The following ATP2B2 variants were observed in gnomAD, a reference collection of about 807,000 sequenced individuals.
ATP2B2 encodes the protein plasma membrane calcium-transporting ATPase 2.
A neutral mutation model predicts 120.0 loss-of-function variants in ATP2B2; 15 were observed. That is an observed-to-expected ratio of 0.12 (90% CI 0.08 to 0.19). ATP2B2 has a LOEUF of 0.19. Among genes scored for constraint, ATP2B2 ranks in the 10% least tolerant of loss-of-function variants. The pLI, the probability that ATP2B2 is intolerant of heterozygous loss-of-function variation, is 1.00. For missense variants in ATP2B2, 1,045 were observed against 1,719.8 expected, an observed-to-expected ratio of 0.61 and a Z score of 6.94; for synonymous variants, 694 against 700.3, an observed-to-expected ratio of 0.99 and a Z score of 0.14.
chr3:10,329,247 G>C lies in ATP2B2; in HGVS notation c.3421-122C>G. On this transcript the variant is annotated intron_variant, in intron 22 of 22. Coordinates refer to ENST00000360273, the MANE Select transcript of ATP2B2 (RefSeq NM_001001331.4). The surrounding 1 kb of genome is among the most constrained non-coding windows in gnomAD (Gnocchi z 5.9). ...AAGCAGGTGGCTGGAATCCATAGTC[G>C]CTGGGTGTTATTAGCATTGACAGGA... The C allele has an allele frequency of 2.0e-6, 2 of 979,234 alleles. No individual in the cohort carries two copies. Among genetic ancestry groups the C allele is most frequent in the Non-Finnish European group, 3.2e-6 (2 of 623,638 alleles). The allele number at this position is 979,234 out of a possible 1,614,324, so 60.7% of individuals were successfully genotyped here. A position where few individuals can be genotyped will look rare whatever the true frequency, so the allele number is the denominator to read the frequency against.
intron 22 of ATP2B2, among the ~76,000 whole-genome samples, chr3:10,331,123 A>G (rs921343605): frequency 6.6e-6 from 1 of 152,230 alleles, no homozygotes. Flanking sequence ...AGAGGCAACA[A>G]GTGCCAAATA....
intron 2 of ATP2B2, among the ~76,000 whole-genome samples, chr3:10,608,082 G>C (rs563128533): frequency 5.3e-5 from 8 of 152,302 alleles, no homozygotes; most frequent in Middle Eastern, 3.4e-3. Context: ...ACTCAAACTC[G>C]GAAAAGAGCA....
At chr3:10,600,624 C>T (rs773776867) in intron 2 of ATP2B2, among the ~76,000 whole-genome samples, 3 of 152,222 alleles carry the variant, frequency 2.0e-5, no homozygotes, top group Admixed American at 6.5e-5. Flanking sequence ...AAACTCCAGA[C>T]GGGGCTGGTG....
At chr3:10,385,091 C>T (rs989461155) in intron 8 of ATP2B2, among the ~76,000 whole-genome samples, 177 bp downstream of exon 8, 4 of 152,162 alleles carry the variant, frequency 2.6e-5, no homozygotes, top group African/African-American at 7.2e-5. Flanking sequence ...AGAGCTGACT[C>T]CCCCGGCTGT....
At chr3:10,488,463 ATTCCTTCCTTCCTTCCTTCC>A (rs1257729803) in intron 1 of ATP2B2, among the ~76,000 whole-genome samples, 4 of 95,744 alleles carry the variant, frequency 4.2e-5, no homozygotes, top group Non-Finnish European at 4.3e-5. Flanking sequence ...CACCCTACAA[ATTCCTTCCTTCCTTCCTTCC>A]TTCCTTCCTT....
At chr3:10,595,289 C>G (rs1418217448) in intron 2 of ATP2B2, among the ~76,000 whole-genome samples, 2 of 152,170 alleles carry the variant, frequency 1.3e-5, no homozygotes, top group East Asian at 3.9e-4. Context: ...GCTGGAGGTT[C>G]TCAGGTCATG....
intron 1 of ATP2B2, among the ~76,000 whole-genome samples, chr3:10,504,343 G>C (rs1288520480): frequency 6.6e-6 from 1 of 152,206 alleles, no homozygotes; most frequent in East Asian, 1.9e-4. Flanking sequence ...CCAAACGTCA[G>C]CTCTGCCTCC....
At chr3:10,632,971 G>T (rs1380291470) in intron 1 of ATP2B2, among the ~76,000 whole-genome samples, 1 of 152,262 alleles carries the variant, frequency 6.6e-6, no homozygotes, top group Non-Finnish European at 1.5e-5. Flanking sequence ...ATGGAGGGGG[G>T]CACATCTCTG....
intron 1 of ATP2B2, among the ~76,000 whole-genome samples, chr3:10,703,401 C>A (rs755953029): frequency 5.3e-5 from 8 of 152,188 alleles, no homozygotes; most frequent in Non-Finnish European, 8.8e-5. Flanking sequence ...GACCCTCACC[C>A]TCACATGAAG....
At chr3:10,445,223 C>A (rs1276403083) in intron 2 of ATP2B2, among the ~76,000 whole-genome samples, 1 of 152,206 alleles carries the variant, frequency 6.6e-6, no homozygotes, top group Non-Finnish European at 1.5e-5. Flanking sequence ...ATCCTCACAC[C>A]ATTTGCATGA....
intron 1 of ATP2B2, among the ~76,000 whole-genome samples, chr3:10,488,511 C>A (rs202166583): frequency 9.2e-5 from 7 of 75,714 alleles, no homozygotes; most frequent in Non-Finnish European, 1.5e-4. Flanking sequence ...TCCTTCGTTC[C>A]TTCCTTCCTT....
intron 1 of ATP2B2, chr3:10,626,875 C>G (rs1452207466): frequency 4.5e-4 from 5 of 11,156 alleles, no homozygotes; most frequent in Non-Finnish European, 8.0e-4. Flanking sequence ...GACACACACA[C>G]ACACACACAC....
Position 10,342,666 on chromosome 3 carries a change from G to C in ATP2B2, c.2917+86C>G, listed in dbSNP as rs1435844517. ...CATTAGCAAAACAGGAGGGGGTTGT[G>C]ACTCGAGAATGCTGGGTGAGAGCCA... On this transcript the variant is annotated intron_variant, in intron 19 of 22. Coordinates refer to ENST00000360273, the MANE Select transcript of ATP2B2 (RefSeq NM_001001331.4). The surrounding 1 kb of genome is among the most constrained non-coding windows in gnomAD (Gnocchi z 4.4). The C allele has an allele frequency of 6.7e-7, 1 of 1,497,302 alleles. No homozygotes were observed. Among genetic ancestry groups the C allele is most frequent in the African/African-American group, 1.4e-5 (1 of 72,322 alleles). 92.8% of individuals were successfully genotyped at this position (1,497,302 alleles called of 1,614,324 possible).
chr3:10,361,922 C>T lies in ATP2B2; in HGVS notation c.1660-1799G>A, dbSNP rs574931401. 2.0e-4 allele frequency among the ~76,000 whole-genome samples: 31 copies of T among 152,260 alleles called. 1 individual carries two copies. Among genetic ancestry groups the T allele is most frequent in the Admixed American group, 7.2e-4 (11 of 15,292 alleles). On this transcript the variant is annotated intron_variant, in intron 12 of 22. Coordinates refer to ENST00000360273, the MANE Select transcript of ATP2B2 (RefSeq NM_001001331.4). ...GGGGGAGACTGGTTAATGGTAAGGACGAGATGCCTCCATATGGGCACTGAT... is the reference window on the plus strand; with the variant it reads ...GGGGGAGACTGGTTAATGGTAAGGATGAGATGCCTCCATATGGGCACTGAT...
chr3:10,600,662 C>T (rs890993684), intron 2 of ATP2B2, among the ~76,000 whole-genome samples: 1 of 152,306 alleles, frequency 6.6e-6, no homozygotes, highest in South Asian at 2.1e-4. Context: ...TGGGATCTGC[C>T]GCCCCCTCCC....
At chr3:10,661,879 ATAGTAC>A (rs2070790434) in intron 1 of ATP2B2, among the ~76,000 whole-genome samples, 1 of 152,252 alleles carries the variant, frequency 6.6e-6, no homozygotes, top group African/African-American at 2.4e-5. Context: ...CCAAAACAGC[ATAGTAC>A]TGGTACCAAA....
intron 1 of ATP2B2, among the ~76,000 whole-genome samples, chr3:10,453,210 A>G (rs1032687903): frequency 1.3e-5 from 2 of 152,224 alleles, no homozygotes; most frequent in African/African-American, 4.8e-5. Context: ...TGGGAAGGAA[A>G]TTAACTTTGA....
intron 2 of ATP2B2, among the ~76,000 whole-genome samples, chr3:10,434,843 T>C (rs929829176): frequency 3.3e-5 from 5 of 152,242 alleles, no homozygotes; most frequent in African/African-American, 9.6e-5. Flanking sequence ...GGCCTGGAAA[T>C]TGGGGTCAAA....
intron 2 of ATP2B2, 120 bp downstream of exon 2, chr3:10,449,225 G>T: frequency 8.8e-7 from 1 of 1,138,816 alleles, no homozygotes. Context: ...TGGCCATTCT[G>T]GCATTTCAGC....
Sources: gnomAD v4.1 joint callset for allele counts (sites outside exome capture counted in the v4.1 genomes callset) on GRCh38, gnomAD v4.1.1 for gene constraint, Gnocchi (gnomAD v3.1) non-coding constraint, MANE v1.5 for transcripts, NCBI Gene and HGNC (gene_info 2026-07-23, HGNC 2026-07-21) for gene names.